Variants in TNKS observed in about 807,000 individuals in gnomAD.
TNKS encodes poly [ADP-ribose] polymerase tankyrase-1.
TNKS carries 72 observed loss-of-function variants against 135.8 expected under a neutral mutation model. The observed-to-expected ratio is 0.53, with a 90% CI of 0.44 to 0.64. The LOEUF (loss-of-function observed/expected upper bound fraction) is 0.64. Ranked by LOEUF, TNKS falls within the 30% of genes least tolerant of loss-of-function variation. The pLI is 0.00. For synonymous variants in TNKS, 849 were observed against 649.3 expected (o/e 1.31, Z -4.68); for missense variants, 1,769 against 1,674.0 (o/e 1.06, Z -0.99).
intron 16 of TNKS, 81 bp downstream of exon 16, chr8:9,735,165 T>A (rs1381711316): frequency 7.3e-7 from 1 of 1,377,266 alleles, no homozygotes; most frequent in Non-Finnish European, 9.8e-7. Flanking sequence ...AAAGCCATGC[T>A]GAACACAAAT....
intron 5 of TNKS, among the ~76,000 whole-genome samples, chr8:9,686,545 G>A (rs760874471): frequency 4.6e-5 from 7 of 152,126 alleles, no homozygotes; most frequent in African/African-American, 1.7e-4. Context: ...GGGCAAGAAA[G>A]ATTCCATCTT....
chr8:9,593,859 T>C (rs10093972), intron 2 of TNKS, among the ~76,000 whole-genome samples: 20,086 of 151,716 alleles, frequency 0.13, 1,772 homozygotes, highest in African/African-American at 0.26. Context: ...TTCTTATCCC[T>C]TGATATTTAT....
chr8:9,651,660 C>T (rs1402601714), intron 3 of TNKS, among the ~76,000 whole-genome samples: 1 of 152,126 alleles, frequency 6.6e-6, no homozygotes, highest in African/African-American at 2.4e-5. Flanking sequence ...TGAAGCCAGG[C>T]TGGTGATGTC....
chr8:9,694,119 G>A (rs1217190670), intron 5 of TNKS, among the ~76,000 whole-genome samples: 1 of 152,114 alleles, frequency 6.6e-6, no homozygotes, highest in African/African-American at 2.4e-5. Context: ...TTCTTCCTTA[G>A]GAAATGCATC....
rs546131448 is a variant in TNKS at position 9,778,578 on chromosome 8, G to T, written c.*1842G>T. Reference sequence around the variant, plus strand: ...AGCCTCAGTTGTTGCTTCTTTTGAAGTTTCAGTGACCCAAGCTGGGTGTTT... The same window carrying T: ...AGCCTCAGTTGTTGCTTCTTTTGAATTTTCAGTGACCCAAGCTGGGTGTTT... On this transcript the variant is annotated 3_prime_UTR_variant, in exon 27 of 27. Transcript: ENST00000310430. The T allele has an allele frequency of 6.6e-6, 1 of 152,618 alleles. No homozygotes were observed. The highest frequency in any genetic ancestry group is 2.4e-5 in the African/African-American group (1 of 41,452). The allele number at this position is 152,618 out of a possible 1,614,324, so 9.5% of individuals were successfully genotyped here. A position where few individuals can be genotyped will look rare whatever the true frequency, so the allele number is the denominator to read the frequency against.
intron 1 of TNKS, among the ~76,000 whole-genome samples, chr8:9,565,583 A>C (rs1167813032): frequency 6.6e-6 from 1 of 152,084 alleles, no homozygotes; most frequent in African/African-American, 2.4e-5. Context: ...TAAACCAGCC[A>C]GGCGTGGTGG....
chr8:9,581,013 C>T (rs1266374898), intron 2 of TNKS, among the ~76,000 whole-genome samples: 2 of 152,092 alleles, frequency 1.3e-5, no homozygotes, highest in Non-Finnish European at 2.9e-5. Context: ...ATCTAAAAAG[C>T]TTCTAGAGGG....
chr8:9,556,657 G>C (rs777257338), intron 1 of TNKS, 45 bp downstream of exon 1: 3 of 1,606,684 alleles, frequency 1.9e-6, no homozygotes, highest in South Asian at 1.1e-5. Flanking sequence ...GGGTTTGGGT[G>C]CAGGGTCCGG....
chr8:9,587,293 T>A (rs1380079320), intron 2 of TNKS, among the ~76,000 whole-genome samples: 8 of 151,984 alleles, frequency 5.3e-5, no homozygotes, highest in Admixed American at 5.2e-4. Context: ...GAGAAAGGGT[T>A]CCCTAAACTA....
intron 12 of TNKS, among the ~76,000 whole-genome samples, chr8:9,726,247 TG>T (rs1301064608): frequency 6.6e-6 from 1 of 152,026 alleles, no homozygotes; most frequent in Non-Finnish European, 1.5e-5. Flanking sequence ...AAAAACTAGC[TG>T]GGCGTGGTGG....
At chr8:9,772,812 T>C (rs112629003) in intron 26 of TNKS, among the ~76,000 whole-genome samples, 429 of 70,164 alleles carry the variant, frequency 6.1e-3, no homozygotes, top group Non-Finnish European at 6.6e-3. Context: ...TGTGTGTTTG[T>C]GTGTGTGTGT....
At chr8:9,689,914 C>G (rs1005183712) in intron 5 of TNKS, among the ~76,000 whole-genome samples, 15 of 152,190 alleles carry the variant, frequency 9.9e-5, no homozygotes, top group African/African-American at 2.9e-4. Flanking sequence ...AGACCTCTAT[C>G]TGTTGTCCAT....
intron 17 of TNKS, among the ~76,000 whole-genome samples, chr8:9,746,571 A>G (rs1208868215): frequency 6.6e-6 from 1 of 152,014 alleles, no homozygotes; most frequent in East Asian, 1.9e-4. Flanking sequence ...GGTTTTATCC[A>G]CCTTGTAATT....
At chr8:9,775,765 G>A (rs1423573465) in intron 26 of TNKS, among the ~76,000 whole-genome samples, 2 of 151,442 alleles carry the variant, frequency 1.3e-5, no homozygotes, top group African/African-American at 4.9e-5. Flanking sequence ...GGTCAGCATT[G>A]AACAAACTAT....
intron 12 of TNKS, among the ~76,000 whole-genome samples, chr8:9,722,718 T>G (rs1804952511): frequency 6.6e-6 from 1 of 152,216 alleles, no homozygotes. Flanking sequence ...CTAAATTTTC[T>G]CATTTTACTG....
chr8:9,759,862 C>T (rs1311201009), intron 20 of TNKS, among the ~76,000 whole-genome samples: 2 of 151,944 alleles, frequency 1.3e-5, no homozygotes, highest in African/African-American at 4.8e-5. Context: ...GTAGTCCCAG[C>T]GACTTGAGAG....
chr8:9,713,437 A>C (rs1804433061), intron 11 of TNKS, among the ~76,000 whole-genome samples: 1 of 152,208 alleles, frequency 6.6e-6, no homozygotes, highest in South Asian at 2.1e-4. Flanking sequence ...GGAAAATAAC[A>C]TTATGACTTG....
chr8:9,717,101 A>ATTTTTTTTTTT (rs370418249), intron 11 of TNKS, among the ~76,000 whole-genome samples: 1 of 119,336 alleles, frequency 8.4e-6, no homozygotes, highest in African/African-American at 2.9e-5. Flanking sequence ...ATATATATAT[A>ATTTTTTTTTTT]TTTTCAGGGA....
intron 3 of TNKS, among the ~76,000 whole-genome samples, chr8:9,621,609 C>T (rs1408779470): frequency 6.6e-6 from 1 of 151,972 alleles, no homozygotes; most frequent in African/African-American, 2.4e-5. Context: ...TTTCTTTTGG[C>T]CATTGTTCTG....
Sources: gnomAD v4.1 joint callset for allele counts (sites outside exome capture counted in the v4.1 genomes callset) on GRCh38, gnomAD v4.1.1 for gene constraint, MANE v1.5 for transcripts, NCBI Gene and HGNC (gene_info 2026-07-23, HGNC 2026-07-21) for gene names.